Variants in SAMD12 observed in about 807,000 individuals in gnomAD.
SAMD12 encodes sterile alpha motif domain-containing protein 12.
In SAMD12, 9 loss-of-function variants were observed where a neutral mutation model predicts 15.0. That is an observed-to-expected ratio of 0.60 (90% CI 0.36 to 1.05). The LOEUF is 1.05. Ranked by LOEUF, SAMD12 falls within the 50% of genes least tolerant of loss-of-function variation. SAMD12 has a pLI of 0.01. For synonymous variants in SAMD12, 86 were observed against 90.1 expected, an observed-to-expected ratio of 0.96 and a Z score of 0.25; for missense variants, 230 against 234.2, an observed-to-expected ratio of 0.98 and a Z score of 0.12.
chr8:118,512,512 CAATA>C (rs1742724566), intron 2 of SAMD12, among the ~76,000 whole-genome samples: 2 of 152,144 alleles, frequency 1.3e-5, no homozygotes, highest in African/African-American at 4.8e-5. Flanking sequence ...GCCAGATACT[CAATA>C]AATGATATTT....
intron 4 of SAMD12, among the ~76,000 whole-genome samples, chr8:118,287,621 T>A (rs1161426874): frequency 6.6e-6 from 1 of 152,152 alleles, no homozygotes; most frequent in South Asian, 2.1e-4. Context: ...TACTCACCTG[T>A]ATAACTCATG....
At chr8:118,245,614 T>G (rs1043784423) in intron 4 of SAMD12, among the ~76,000 whole-genome samples, 1 of 152,134 alleles carries the variant, frequency 6.6e-6, no homozygotes, top group Non-Finnish European at 1.5e-5. Flanking sequence ...GTTTCCAAAG[T>G]CTAGTCTCTT....
intron 3 of SAMD12, among the ~76,000 whole-genome samples, chr8:118,414,316 A>G (rs1000530419): frequency 6.6e-6 from 1 of 152,164 alleles, no homozygotes. Flanking sequence ...CCTTCCATGG[A>G]TAATGGGGAA....
chr8:118,329,798 C>T (rs942861286), intron 4 of SAMD12, among the ~76,000 whole-genome samples: 1 of 152,106 alleles, frequency 6.6e-6, no homozygotes, highest in African/African-American at 2.4e-5. Flanking sequence ...TTCCATTGCA[C>T]AGATATAGCA....
chr8:118,288,056 C>G (rs1275088401), intron 4 of SAMD12, among the ~76,000 whole-genome samples: 1 of 152,060 alleles, frequency 6.6e-6, no homozygotes, highest in Non-Finnish European at 1.5e-5. Flanking sequence ...TCCTGAAGAC[C>G]AAGCGTGGGC....
intron 4 of SAMD12, among the ~76,000 whole-genome samples, chr8:118,259,235 C>T (rs11562658): frequency 0.026 from 3,977 of 152,190 alleles, 149 homozygotes; most frequent in Admixed American, 0.1. Flanking sequence ...GAGCCTATGT[C>T]TAACAGGCCA....
chr8:118,510,983 C>T (rs766180957), intron 2 of SAMD12, among the ~76,000 whole-genome samples: 13 of 152,106 alleles, frequency 8.5e-5, no homozygotes, highest in Non-Finnish European at 1.5e-4. Context: ...ACACTGTTGT[C>T]ATTTAAAAAG....
At position 118,379,009 on chromosome 8, in the gene SAMD12, T is replaced by TG. The variant is rs1327949970; in HGVS notation, c.*407dup. ...AATGGGGTTCTTACAATCTCTAAAG[T>TG]GTGTGTGTATAATACATTCATGTAT... On this transcript the variant is annotated 3_prime_UTR_variant, in exon 4 of 4. Transcript: ENST00000314727. The TG allele has an allele frequency of 1.0e-6, 1 of 983,190 alleles. No individual in the cohort carries two copies. Among genetic ancestry groups the TG allele is most frequent in the Non-Finnish European group, 1.2e-6 (1 of 823,714 alleles). 60.9% of individuals were successfully genotyped at this position (983,190 alleles called of 1,614,324 possible). A position where few individuals can be genotyped will look rare whatever the true frequency, so the allele number is the denominator to read the frequency against.
intron 1 of SAMD12, among the ~76,000 whole-genome samples, chr8:118,612,322 G>A (rs1330726110): frequency 2.0e-5 from 3 of 152,188 alleles, no homozygotes; most frequent in Non-Finnish European, 2.9e-5. Context: ...AGAACATGAT[G>A]ACAAATTCTT....
At chr8:118,557,403 T>C (rs1218781408) in intron 2 of SAMD12, among the ~76,000 whole-genome samples, 1 of 152,216 alleles carries the variant, frequency 6.6e-6, no homozygotes, top group East Asian at 1.9e-4. Context: ...GTAGTATCTT[T>C]ATAGCTGTGT....
chr8:118,536,653 A>G (rs1313110151), intron 2 of SAMD12, among the ~76,000 whole-genome samples: 1 of 152,212 alleles, frequency 6.6e-6, no homozygotes, highest in Admixed American at 6.5e-5. Context: ...AATAAAAACT[A>G]TACTTTAACT....
intron 4 of SAMD12, among the ~76,000 whole-genome samples, chr8:118,250,711 T>G (rs1024481561): frequency 6.6e-6 from 1 of 151,928 alleles, no homozygotes; most frequent in African/African-American, 2.4e-5. Context: ...TGCCATGTTG[T>G]CCAGGCTGAT....
At chr8:118,593,239 A>C (rs1165811820) in intron 1 of SAMD12, among the ~76,000 whole-genome samples, 1 of 152,226 alleles carries the variant, frequency 6.6e-6, no homozygotes, top group Admixed American at 6.5e-5. Flanking sequence ...TCATGAATTG[A>C]GAATTAACAC....
chr8:118,404,979 T>C (rs528352805), intron 3 of SAMD12, among the ~76,000 whole-genome samples: 1 of 152,302 alleles, frequency 6.6e-6, no homozygotes, highest in South Asian at 2.1e-4. Context: ...GGTACCCTTA[T>C]AAGCTCTTCC....
intron 2 of SAMD12, among the ~76,000 whole-genome samples, chr8:118,539,754 G>C (rs1825939873): frequency 6.6e-6 from 1 of 152,126 alleles, no homozygotes; most frequent in African/African-American, 2.4e-5. Context: ...AAACTGAATA[G>C]TATAAACTCA....
At chr8:118,436,612 C>A (rs1191536860) in intron 3 of SAMD12, among the ~76,000 whole-genome samples, 1 of 152,142 alleles carries the variant, frequency 6.6e-6, no homozygotes, top group Non-Finnish European at 1.5e-5. Context: ...AAAAGAACAG[C>A]AGCACTCAGG....
At chr8:118,297,854 T>C (rs1814796290) in intron 4 of SAMD12, among the ~76,000 whole-genome samples, 2 of 152,258 alleles carry the variant, frequency 1.3e-5, no homozygotes, top group African/African-American at 4.8e-5. Context: ...ATGTAATGTT[T>C]ATTTTTATCA....
chr8:118,327,622 T>A (rs1018997106), intron 4 of SAMD12, among the ~76,000 whole-genome samples: 1 of 152,166 alleles, frequency 6.6e-6, no homozygotes, highest in Non-Finnish European at 1.5e-5. Flanking sequence ...AAAAATAACT[T>A]CTAAATGGGT....
chr8:118,382,093 G>T (rs1298824524), intron 3 of SAMD12, among the ~76,000 whole-genome samples: 2 of 152,316 alleles, frequency 1.3e-5, no homozygotes, highest in Non-Finnish European at 1.5e-5. Flanking sequence ...CATTTATATG[G>T]ATAATTGGCC....
Sources: gnomAD v4.1 joint callset for allele counts (sites outside exome capture counted in the v4.1 genomes callset) on GRCh38, gnomAD v4.1.1 for gene constraint, MANE v1.5 for transcripts, NCBI Gene and HGNC (gene_info 2026-07-23, HGNC 2026-07-21) for gene names.